TNFRSF10D: variants seen among roughly 807,000 people sequenced by gnomAD.
TNFRSF10D encodes TNF receptor superfamily member 10d, also known as tumor necrosis factor receptor superfamily member 10D.
TNFRSF10D carries 28 observed loss-of-function variants against 42.1 expected under a neutral mutation model. The observed-to-expected ratio is 0.66, with a 90% CI of 0.49 to 0.91. The LOEUF is 0.91. TNFRSF10D is among the 40% of genes least tolerant of loss of function. TNFRSF10D has a pLI of 0.00. For synonymous variants in TNFRSF10D, 186 were observed against 189.4 expected (o/e 0.98, Z 0.15); for missense variants, 503 against 486.1 (o/e 1.03, Z -0.33).
chr8:23,156,190 T>G (rs1017358102), intron 1 of TNFRSF10D, among the ~76,000 whole-genome samples: 2 of 152,240 alleles, frequency 1.3e-5, no homozygotes, highest in African/African-American at 4.8e-5. Context: ...CAGCTATTTT[T>G]CAAATTTTTT....
In TNFRSF10D at chr8:23,137,881, A is replaced by G; in HGVS notation, c.1150T>C (p.Ser384Pro). 3.1e-6 allele frequency: 5 copies of G among 1,613,678 alleles called. No individual in the cohort carries two copies. Among genetic ancestry groups the G allele is most frequent in the Non-Finnish European group, 4.2e-6 (5 of 1,179,800 alleles). The part of the protein sequence containing the change: ...YEEDEAGSAT[S>P]CL ...CTGAAGAGATTCTTTCACAGGCAGG[A>G]CGTAGCAGAGCCTGCCTCATCTTCT... Residue 384 changes from serine (S) to proline (P), a missense_variant, in exon 9 of 9, where the codon TCC becomes CCC. By Grantham distance (74) the Ser-to-Pro change is moderately conservative. Transcript: ENST00000312584.
intron 7 of TNFRSF10D, 71 bp from the exon 8 acceptor site, chr8:23,138,331 T>A: frequency 2.6e-6 from 4 of 1,555,250 alleles, no homozygotes; most frequent in Middle Eastern, 1.7e-4. Context: ...CCCTGACCAC[T>A]AGCCAGCAAG....
At chr8:23,144,685 A>G in intron 6 of TNFRSF10D, 50 bp from the exon 7 acceptor site, 1 of 1,582,804 alleles carries the variant, frequency 6.3e-7, no homozygotes, top group South Asian at 1.2e-5. Flanking sequence ...GCTCAGCTTC[A>G]GGGTCCCCAG....
At chr8:23,149,290 G>T (rs535969675) in intron 2 of TNFRSF10D, among the ~76,000 whole-genome samples, 22 of 151,610 alleles carry the variant, frequency 1.5e-4, no homozygotes, top group Admixed American at 9.2e-4. Flanking sequence ...CAGGCTGGAG[G>T]GCAATGGCGC....
intron 4 of TNFRSF10D, among the ~76,000 whole-genome samples, 181 bp from the exon 5 acceptor site, chr8:23,146,102 A>G (rs112018254): frequency 0.01 from 1,579 of 152,106 alleles, 8 homozygotes; most frequent in African/African-American, 0.036. Flanking sequence ...CTGAGCATGC[A>G]CACTTCAGCC....
At chr8:23,154,665 A>C (rs570193734) in intron 2 of TNFRSF10D, among the ~76,000 whole-genome samples, 1 of 152,354 alleles carries the variant, frequency 6.6e-6, no homozygotes, top group East Asian at 1.9e-4. Flanking sequence ...AAGAGGGCTT[A>C]TCCCAGGGCT....
At chr8:23,152,129 A>C (rs1377525662) in intron 2 of TNFRSF10D, among the ~76,000 whole-genome samples, 1 of 152,196 alleles carries the variant, frequency 6.6e-6, no homozygotes, top group Non-Finnish European at 1.5e-5. Context: ...TCTTTAAGAG[A>C]GCCAAGATGG....
At chr8:23,161,210 G>T (rs1800362733) in intron 1 of TNFRSF10D, among the ~76,000 whole-genome samples, 1 of 152,228 alleles carries the variant, frequency 6.6e-6, no homozygotes, top group Non-Finnish European at 1.5e-5. Context: ...ACAGGCAGGA[G>T]CTGGGGCCAC....
chr8:23,156,107 T>C (rs186174311), intron 1 of TNFRSF10D, among the ~76,000 whole-genome samples: 918 of 152,214 alleles, frequency 6.0e-3, no homozygotes, highest in African/African-American at 0.019. Context: ...ATAGTGGTAA[T>C]GTGTTGATGT....
intron 2 of TNFRSF10D, among the ~76,000 whole-genome samples, chr8:23,154,046 G>A (rs1800242436): frequency 6.6e-6 from 1 of 152,186 alleles, no homozygotes; most frequent in African/African-American, 2.4e-5. Flanking sequence ...CCTCAACAAA[G>A]AAGGAAATTC....
intron 1 of TNFRSF10D, among the ~76,000 whole-genome samples, chr8:23,160,672 C>G (rs1044487849): frequency 2.0e-5 from 3 of 152,166 alleles, no homozygotes; most frequent in Non-Finnish European, 4.4e-5. Context: ...ATGGCACTGT[C>G]CCCACTGTCT....
rs770050420 is a variant in TNFRSF10D, at chr8:23,154,940, C to A, written c.190G>T (p.Val64Phe). ...DSATIPRQDE[V>F]PQQTVAPQQQ... is the part of the protein sequence containing the mutation. ...TGTGGGGCCACTGTCTGCTGGGGAA[C>A]TTCGTCCTGCCGGGGGATGGTGGCA... is the stretch of plus-strand genomic sequence containing the variant. Residue 64 changes from valine to phenylalanine, a missense_variant, in exon 2 of 9, where the codon GTT becomes TTT. By Grantham distance (50) the Val-to-Phe change is conservative (BLOSUM62 -1). Coordinates refer to ENST00000312584, the MANE Select transcript of TNFRSF10D (RefSeq NM_003840.5). 4.3e-6 allele frequency: 7 copies of A among 1,613,528 alleles called. No individual in the cohort carries two copies. The highest frequency in any genetic ancestry group is 5.9e-6 in the Non-Finnish European group (7 of 1,179,760).
At chr8:23,148,986 C>A (rs62501097) in intron 2 of TNFRSF10D, among the ~76,000 whole-genome samples, 217 of 151,446 alleles carry the variant, frequency 1.4e-3, no homozygotes, top group Middle Eastern at 3.4e-3. Flanking sequence ...GTCAGGAGAT[C>A]GAGACCATCC....
At chr8:23,149,005 A>T (rs1316081545) in intron 2 of TNFRSF10D, among the ~76,000 whole-genome samples, 1 of 151,574 alleles carries the variant, frequency 6.6e-6, no homozygotes, top group Non-Finnish European at 1.5e-5. Flanking sequence ...CCTGGCTAAC[A>T]CAGTGAAACC....
chr8:23,145,637 C>A, intron 5 of TNFRSF10D, 31 bp downstream of exon 5: 1 of 1,612,658 alleles, frequency 6.2e-7, no homozygotes, highest in Non-Finnish European at 8.5e-7. Flanking sequence ...GCAGACAGTG[C>A]CCAGCGCTCC....
rs1800162873 is a variant in TNFRSF10D at position 23,148,632 on chromosome 8, G to A, written c.257-81C>T. 3 of 994,158 alleles carry A rather than the reference G, an allele frequency of 3.0e-6. No individual in the cohort carries two copies. The East Asian group carries it at 7.8e-5, about 26-fold the overall frequency. 61.6% of individuals were successfully genotyped at this position (994,158 alleles called of 1,614,324 possible). A position where few individuals can be genotyped will look rare whatever the true frequency, so the allele number is the denominator to read the frequency against. On this transcript the variant is annotated intron_variant, in intron 2 of 8. Transcript: ENST00000312584. Reference sequence around the variant, plus strand: ...ACAATGGCTGGCAAATTTCTCTTTTGGCCCTCAGTGGAATCCAGACAGAGA... The same window carrying A: ...ACAATGGCTGGCAAATTTCTCTTTTAGCCCTCAGTGGAATCCAGACAGAGA...
intron 1 of TNFRSF10D, 37 bp from the exon 2 acceptor site, chr8:23,155,016 C>T (rs1585264284): frequency 6.7e-7 from 1 of 1,485,286 alleles, no homozygotes; most frequent in Non-Finnish European, 9.2e-7. Flanking sequence ...TGAGTGGCTT[C>T]CAGACCTTAC....
In TNFRSF10D at chr8:23,140,752, C is replaced by G. The variant is rs561229736; in HGVS notation, c.955-2492G>C. Among the ~76,000 whole-genome samples the G allele has an allele frequency of 1.3e-5, 2 of 152,222 alleles. 1 individual carries two copies. Among genetic ancestry groups the G allele is most frequent in the Non-Finnish European group, 2.9e-5 (2 of 68,032 alleles). On this transcript the variant is annotated intron_variant, in intron 7 of 8. Coordinates refer to ENST00000312584, the MANE Select transcript of TNFRSF10D (RefSeq NM_003840.5). ...TTTATAAAGAGCAGTCCCCTGCACA[C>G]GCTCTCTTGCCTGTCGCCATGTAAG...
In TNFRSF10D at chr8:23,137,914, A is replaced by G. The variant is rs374906816; in HGVS notation, c.1117T>C (p.Phe373Leu). The part of the protein sequence containing the change: ...QDQLVGSEKL[F>L]YEEDEAGSAT... ...GAGCCTGCCTCATCTTCTTCATAAA[A>G]GAGCTTTTCGGAGCCCACCAGTTGG... The change falls in exon 9 of 9, where the codon TTT (phenylalanine) becomes CTT (leucine). Residue 373 changes from phenylalanine (F) to leucine (L), a missense_variant. By Grantham distance (22) the Phe-to-Leu change is conservative. Transcript: ENST00000312584. The G allele has an allele frequency of 1.2e-6, 2 of 1,614,248 alleles. No individual in the cohort carries two copies. Among genetic ancestry groups the G allele is most frequent in the Non-Finnish European group, 1.7e-6 (2 of 1,180,050 alleles).
Sources: gnomAD v4.1 joint callset for allele counts (sites outside exome capture counted in the v4.1 genomes callset) on GRCh38, gnomAD v4.1.1 for gene constraint, MANE v1.5 for transcripts, NCBI Gene and HGNC (gene_info 2026-07-23, HGNC 2026-07-21) for gene names.